AHNAK: variants seen among roughly 807,000 people sequenced by gnomAD.
AHNAK encodes the protein AHNAK nucleoprotein.
Under a neutral mutation model 37.8 loss-of-function variants are expected in AHNAK, and 23 were observed. The ratio of observed to expected loss-of-function variants is 0.61; its 90% CI spans 0.44 to 0.86. The LOEUF is 0.86. AHNAK is among the 40% of genes least tolerant of loss of function. The pLI, the probability that AHNAK is intolerant of heterozygous loss-of-function variation, is 0.00. For synonymous variants in AHNAK, 2,481 were observed against 2,636.3 expected, an observed-to-expected ratio of 0.94 and a Z score of 1.80; for missense variants, 7,411 against 7,319.4, an observed-to-expected ratio of 1.01 and a Z score of -0.46.
In AHNAK at chr11:62,520,444, G is replaced by A. The variant is rs1590652696; in HGVS notation, c.13973C>T (p.Pro4658Leu). 9 of 1,613,910 alleles carry A rather than the reference G, an allele frequency of 5.6e-6. No homozygotes were observed. The highest frequency in any genetic ancestry group is 4.0e-5 in the African/African-American group (3 of 74,934). Residue 4658 changes from proline to leucine, a missense_variant, in exon 5 of 5, where the codon CCC becomes CTC. By Grantham distance (98) the Pro-to-Leu change is moderately conservative (BLOSUM62 -3). Transcript: ENST00000378024. ...TTTGAAGCCAGGCATGCTGAACTTG[G>A]GCATTTTCACTTTGGGCATTTTTAG... Reference protein sequence around the residue: ...WHLKMPKVKMPKFSMPGFKGE... With the variant: ...WHLKMPKVKMLKFSMPGFKGE...
Position 62,517,969 on chromosome 11 carries a change from A to G in AHNAK, c.16448T>C (p.Ile5483Thr), listed in dbSNP as rs61312994. The G allele has an allele frequency of 0.029, 47,526 of 1,614,104 alleles. 845 individuals carry two copies. Among genetic ancestry groups the G allele is most frequent in the African/African-American group, 0.075 (5,590 of 75,004 alleles). The change falls in exon 5 of 5, where the codon ATT (isoleucine) becomes ACT (threonine). Residue 5483 changes from isoleucine to threonine, a missense_variant. Physicochemically the swap from Ile to Thr is moderately conservative, Grantham distance 89. Coordinates refer to ENST00000378024, the MANE Select transcript of AHNAK (RefSeq NM_001620.3). ...GTTTCCTTCTAGGCCTTGAACACCA[A>G]TGCCTGGAAGACCTCCTCCGACAGT... ...GPTVGGGLPG[I>T]GVQGLEGNLQ...
chr11:62,535,421 G>A (rs1166488937), intron 3 of AHNAK, among the ~76,000 whole-genome samples: 1 of 152,112 alleles, frequency 6.6e-6, no homozygotes, highest in Admixed American at 6.6e-5. Context: ...GACCGAGGCA[G>A]GTGGATCGCC....
Position 62,530,239 on chromosome 11 carries a change from G to A in AHNAK, c.4178C>T (p.Pro1393Leu). ...TTCAGGGCCCTCTCCTTTGAAGCCG[G>A]GCATGCTGAACTTGGGCATTTTCAC... Reference protein sequence around the residue: ...PKVKMPKFSMPGFKGEGPEVD... With the variant: ...PKVKMPKFSMLGFKGEGPEVD... The change falls in exon 5 of 5, where the codon CCC becomes CTC. Residue 1393 changes from proline (P) to leucine (L), a missense_variant. Coordinates refer to ENST00000378024, the MANE Select transcript of AHNAK (RefSeq NM_001620.3). 6.2e-7 allele frequency: 1 copy of A among 1,611,782 alleles called. No homozygotes were observed. Among genetic ancestry groups the A allele is most frequent in the Non-Finnish European group, 8.5e-7 (1 of 1,179,530 alleles).
chr11:62,507,440 A>T (rs897930489), intron 4 of AHNAK, among the ~76,000 whole-genome samples: 11 of 152,332 alleles, frequency 7.2e-5, no homozygotes, highest in Non-Finnish European at 1.0e-4. Flanking sequence ...ATGTTAATTT[A>T]AATCATCCTC....
At chr11:62,482,272 G>C (rs957551341) in intron 5 of AHNAK, among the ~76,000 whole-genome samples, 1 of 152,100 alleles carries the variant, frequency 6.6e-6, no homozygotes, top group African/African-American at 2.4e-5. Flanking sequence ...AAATTTATCC[G>C]GGCGTGGTGG....
chr11:62,534,942 G>A lies in AHNAK; in HGVS notation c.342+61C>T, dbSNP rs1940893051. On this transcript the variant is annotated intron_variant, in intron 4 of 4. Coordinates refer to ENST00000378024, the MANE Select transcript of AHNAK (RefSeq NM_001620.3). The stretch of plus-strand genomic sequence containing the variant: ...AGGCACATGGAAGGCTCAGGAGTGG[G>A]GTCAGCAGGCCGGCATGGCCGGGGG... 2.2e-5 allele frequency: 34 copies of A among 1,557,024 alleles called. 1 individual carries two copies. In the South Asian group the frequency reaches 3.8e-4, roughly 17 times the overall value.
rs755827733 is a variant in AHNAK at position 62,518,081 on chromosome 11, G to T, written c.16336C>A (p.Arg5446=). ...PGVDVNLKGP[R]ISAPNVDFNL... ...AAGTCCACATTCGGTGCTGAAATCC[G>T]AGGCCCTTTCAGGTTCACATCCACA... Residue 5446 remains arginine, a synonymous_variant, in exon 5 of 5, where the codon CGG becomes AGG. Coordinates refer to ENST00000378024, the MANE Select transcript of AHNAK (RefSeq NM_001620.3). The T allele has an allele frequency of 1.9e-6, 3 of 1,614,012 alleles. No individual in the cohort carries two copies. The highest frequency in any genetic ancestry group is 2.5e-6 in the Non-Finnish European group (3 of 1,180,038).
chr11:62,470,906 AG>A (rs1939022511), intron 5 of AHNAK, among the ~76,000 whole-genome samples: 1 of 152,182 alleles, frequency 6.6e-6, no homozygotes, highest in African/African-American at 2.4e-5. Context: ...AAATAATACA[AG>A]ATGCTGGGCC....
At chr11:62,448,950 C>T (rs919610268) in intron 5 of AHNAK, among the ~76,000 whole-genome samples, 2 of 152,244 alleles carry the variant, frequency 1.3e-5, no homozygotes, top group Non-Finnish European at 2.9e-5. Context: ...CACATGTAGT[C>T]TCAGCTACTC....
At position 62,519,390 on chromosome 11, in the gene AHNAK, AGTCTCAAG is replaced by A. The variant is rs753052759; in HGVS notation, c.15019_15026del (p.Leu5007SerfsTer2). ...CCTTGCCACCAACACTAATTTCAGG[AGTCTCAAG>A]GTTCAGCTCTGCCTCAGGAACAGTG... On this transcript the variant is annotated frameshift_variant, in exon 5 of 5. Transcript: ENST00000378024. LOFTEE classifies it low-confidence loss of function (END_TRUNC). The A allele has an allele frequency of 6.2e-7, 1 of 1,613,880 alleles. No homozygotes were observed. The highest frequency in any genetic ancestry group is 1.1e-5 in the South Asian group (1 of 91,004).
rs1940071634 is a variant in AHNAK at position 62,517,703 on chromosome 11, C to T, written c.16714G>A (p.Val5572Ile). The T allele has an allele frequency of 6.2e-7, 1 of 1,614,234 alleles. No homozygotes were observed. The highest frequency in any genetic ancestry group is 1.3e-5 in the African/African-American group (1 of 75,048). The change falls in exon 5 of 5, where the codon GTT becomes ATT. Residue 5572 changes from valine to isoleucine, a missense_variant. Physicochemically the swap from Val to Ile is conservative, Grantham distance 29. Transcript: ENST00000378024. ...TCTGGGGCACTGACACCCCCTGAAACATCCGCACCTCCTTTGATTTTTGGG... is the reference window on the plus strand; with the variant it reads ...TCTGGGGCACTGACACCCCCTGAAATATCCGCACCTCCTTTGATTTTTGGG... ...KGPKIKGGAD[V>I]SGGVSAPDIS... is the part of the protein sequence containing the mutation.
chr11:62,536,159 G>A lies in AHNAK; in HGVS notation c.1-61C>T, dbSNP rs17157377. The A allele has an allele frequency of 6.5e-3, 9,664 of 1,491,062 alleles. 562 individuals carry two copies. In the African/African-American group the frequency reaches 0.12, roughly 19 times the overall value. The allele number at this position is 1,491,062 out of a possible 1,614,324, so 92.4% of individuals were successfully genotyped here. A position where few individuals can be genotyped will look rare whatever the true frequency, so the allele number is the denominator to read the frequency against. On this transcript the variant is annotated intron_variant, in intron 2 of 4. Transcript: ENST00000378024. ...GGGGGTGGGAGGACATGAGGGCATG[G>A]GAAAGCTAGCAATCTCTGGCGCTGT... is the stretch of plus-strand genomic sequence containing the variant.
intron 1 of AHNAK, among the ~76,000 whole-genome samples, chr11:62,543,770 G>A (rs1188062704): frequency 6.6e-6 from 1 of 152,174 alleles, no homozygotes; most frequent in African/African-American, 2.4e-5. Context: ...GAAGTCAGAA[G>A]GCCCTCCATC....
At position 62,529,591 on chromosome 11, in the gene AHNAK, T is replaced by C. The variant is rs1191562242; in HGVS notation, c.4826A>G (p.Lys1609Arg). 1.2e-6 allele frequency: 2 copies of C among 1,614,160 alleles called. No homozygotes were observed. The highest frequency in any genetic ancestry group is 2.2e-5 in the East Asian group (1 of 44,890). ...VSLPKVEGDL[K>R]GPEIDVKAPK... ...GGCTTTCACATCAATTTCAGGACCCTTCAAGTCTCCTTCCACTTTGGGAAG... is the reference window on the plus strand; with the variant it reads ...GGCTTTCACATCAATTTCAGGACCCCTCAAGTCTCCTTCCACTTTGGGAAG... The change falls in exon 5 of 5, where the codon AAG becomes AGG. Residue 1609 changes from lysine (K) to arginine (R), a missense_variant. Lys to Arg is a conservative substitution (Grantham distance 26, BLOSUM62 2). Transcript: ENST00000378024.
intron 4 of AHNAK, among the ~76,000 whole-genome samples, chr11:62,494,179 C>G (rs1291745068): frequency 6.6e-6 from 1 of 152,076 alleles, no homozygotes; most frequent in Non-Finnish European, 1.5e-5. Context: ...CTCACTGATT[C>G]TTCTTTCTTC....
intron 4 of AHNAK, 126 bp from the exon 5 acceptor site, chr11:62,534,200 A>C: frequency 4.2e-6 from 4 of 944,162 alleles, no homozygotes; most frequent in Non-Finnish European, 4.6e-6. Context: ...ACAGAGGTCC[A>C]TGGAGCCTCC....
At chr11:62,491,772 G>A in exon 5 of AHNAK, 1 of 1,612,988 alleles carries the variant, frequency 6.2e-7, no homozygotes, top group Non-Finnish European at 8.5e-7. Flanking sequence ...CGGCTTGGCT[G>A]CTGGCTTCCT....
rs1406865550 is a variant in AHNAK at position 62,530,149 on chromosome 11, G to A, written c.4268C>T (p.Pro1423Leu). 6.2e-7 allele frequency: 1 copy of A among 1,613,796 alleles called. No individual in the cohort carries two copies. The highest frequency in any genetic ancestry group is 8.5e-7 in the Non-Finnish European group (1 of 1,180,004). ...GTCTGGACCTTCAATATTCACATCT[G>A]GAACTTCAGCATCCATTTTGGGTCC... ...VSGPKMDAEV[P>L]DVNIEGPDAK... is the part of the protein sequence containing the mutation. Residue 1423 changes from proline to leucine, a missense_variant, in exon 5 of 5, where the codon CCA (proline) becomes CTA (leucine). Transcript: ENST00000378024.
intron 5 of AHNAK, among the ~76,000 whole-genome samples, chr11:62,468,192 C>G (rs1938953251): frequency 1.3e-5 from 2 of 151,988 alleles, no homozygotes; most frequent in Non-Finnish European, 2.9e-5. Context: ...TACTAAAATA[C>G]AAAAACTTAG....
Sources: gnomAD v4.1 joint callset for allele counts (sites outside exome capture counted in the v4.1 genomes callset) on GRCh38, gnomAD v4.1.1 for gene constraint, MANE v1.5 for transcripts, NCBI Gene and HGNC (gene_info 2026-07-23, HGNC 2026-07-21) for gene names.